Variants in PARVB observed in about 807,000 individuals in gnomAD.
PARVB encodes beta-parvin.
Under a neutral mutation model 47.0 loss-of-function variants are expected in PARVB, and 46 were observed. That is an observed-to-expected ratio of 0.98 (90% CI 0.77 to 1.25). The LOEUF is 1.25. PARVB is among the 50% of genes most tolerant of loss of function. The pLI, the probability that PARVB is intolerant of heterozygous loss-of-function variation, is 0.00. For synonymous variants in PARVB, 196 were observed against 196.3 expected, an observed-to-expected ratio of 1.00 and a Z score of 0.01; for missense variants, 473 against 471.6, an observed-to-expected ratio of 1.00 and a Z score of -0.03.
At chr22:44,086,973 C>T (rs779556165) in intron 1 of PARVB, 14 of 275,294 alleles carry the variant, frequency 5.1e-5, no homozygotes, top group Non-Finnish European at 6.1e-5. Context: ...GAGCTGGTGG[C>T]GTGAGTTGGC....
chr22:44,165,441 A>G (rs2054146202), intron 12 of PARVB, among the ~76,000 whole-genome samples: 1 of 152,220 alleles, frequency 6.6e-6, no homozygotes, highest in Non-Finnish European at 1.5e-5. Context: ...TGCTGCCTGT[A>G]GATACCGGCC....
intron 12 of PARVB, 117 bp from the exon 13 acceptor site, chr22:44,168,485 A>C: frequency 5.0e-5 from 35 of 703,484 alleles, no homozygotes; most frequent in Non-Finnish European, 6.0e-5. Flanking sequence ...CTTTAAGGGG[A>C]AGCGCTGTGT....
At chr22:44,118,083 C>T (rs1030592823) in intron 3 of PARVB, among the ~76,000 whole-genome samples, 4 of 152,290 alleles carry the variant, frequency 2.6e-5, no homozygotes, top group Admixed American at 6.5e-5. Context: ...ATGAAACTCA[C>T]ATCCACAGAG....
intron 1 of PARVB, among the ~76,000 whole-genome samples, chr22:44,071,131 G>C (rs1259652837): frequency 6.6e-6 from 1 of 152,164 alleles, no homozygotes; most frequent in Non-Finnish European, 1.5e-5. Flanking sequence ...TGAGCGCTCT[G>C]TCCCCTCCCC....
intron 1 of PARVB, among the ~76,000 whole-genome samples, chr22:44,025,156 ATAGTGAGATT>A (rs149722349): frequency 0.013 from 1,902 of 152,008 alleles, 36 homozygotes; most frequent in African/African-American, 0.04. Flanking sequence ...ACCATGCCCT[ATAGTGAGATT>A]TCGGATTGGT....
At chr22:44,158,423 C>G (rs1440847007) in intron 11 of PARVB, among the ~76,000 whole-genome samples, 1 of 152,208 alleles carries the variant, frequency 6.6e-6, no homozygotes, top group Non-Finnish European at 1.5e-5. Flanking sequence ...TGCTGCTTCC[C>G]AAGCTTTCCA....
intron 4 of PARVB, among the ~76,000 whole-genome samples, chr22:44,126,145 C>G (rs951481778): frequency 2.6e-5 from 4 of 152,106 alleles, no homozygotes; most frequent in African/African-American, 9.7e-5. Context: ...CCCAGCAGCA[C>G]TGAGCTGATG....
intron 1 of PARVB, among the ~76,000 whole-genome samples, chr22:44,088,018 A>G (rs1033815815): frequency 2.6e-5 from 4 of 151,912 alleles, no homozygotes; most frequent in African/African-American, 9.7e-5. Flanking sequence ...AATCTTTGTG[A>G]TCTCTCTGAG....
At chr22:44,093,489 C>G (rs1233854180) in intron 1 of PARVB, among the ~76,000 whole-genome samples, 1 of 152,234 alleles carries the variant, frequency 6.6e-6, no homozygotes, top group Admixed American at 6.5e-5. Context: ...CACCTGTATG[C>G]ATGACCGGAG....
chr22:44,071,172 C>T (rs1003300875), intron 1 of PARVB, among the ~76,000 whole-genome samples: 1 of 152,148 alleles, frequency 6.6e-6, no homozygotes, highest in African/African-American at 2.4e-5. Flanking sequence ...TTAGCAGAGT[C>T]AAGACTCTGA....
At chr22:44,134,194 C>T (rs761617010) in intron 6 of PARVB, among the ~76,000 whole-genome samples, 14 of 152,290 alleles carry the variant, frequency 9.2e-5, no homozygotes, top group Admixed American at 6.5e-4. Context: ...CAGTCTTGAC[C>T]GGACGGGAAT....
intron 9 of PARVB, 22 bp from the exon 10 acceptor site, chr22:44,151,461 G>A (rs753732247): frequency 9.3e-6 from 15 of 1,605,762 alleles, no homozygotes; most frequent in African/African-American, 1.3e-5. Flanking sequence ...CATGGCTCCT[G>A]TGTCTCTTTT....
chr22:44,164,451 C>G (rs1467421149), intron 12 of PARVB, among the ~76,000 whole-genome samples: 4 of 148,962 alleles, frequency 2.7e-5, no homozygotes, highest in Non-Finnish European at 1.5e-5. Flanking sequence ...TAGGAGGACT[C>G]TCTAACCTGA....
intron 2 of PARVB, among the ~76,000 whole-genome samples, chr22:44,011,679 G>A (rs75098626): frequency 0.032 from 4,890 of 152,128 alleles, 97 homozygotes; most frequent in Middle Eastern, 0.082. Flanking sequence ...ATCAGAGTCT[G>A]TCTGGCCCCT....
chr22:44,158,743 G>A (rs1343262107), intron 11 of PARVB, among the ~76,000 whole-genome samples: 3 of 152,170 alleles, frequency 2.0e-5, no homozygotes, highest in African/African-American at 2.4e-5. Context: ...AGGGCTTCCC[G>A]CAGCCAAGCC....
chr22:44,165,756 C>T (rs886971690), intron 12 of PARVB, among the ~76,000 whole-genome samples: 1 of 152,248 alleles, frequency 6.6e-6, no homozygotes, highest in East Asian at 1.9e-4. Context: ...GCAGGGCCCA[C>T]GGGCAGTGCC....
intron 4 of PARVB, among the ~76,000 whole-genome samples, chr22:44,124,509 C>G (rs1232310497): frequency 6.6e-6 from 1 of 151,630 alleles, no homozygotes; most frequent in Non-Finnish European, 1.5e-5. Context: ...TGGAGGGTCA[C>G]TCCCACAGAT....
rs139897012 is a variant in PARVB, at chr22:44,123,347, G to T, written c.376+4207G>T. ...TGATCGGGGAGGGTCCAGGGGCAGA[G>T]AACTGTGCCTTTGAGGTACATAATT... On this transcript the variant is annotated intron_variant, in intron 4 of 12. Transcript: ENST00000338758. Among the ~76,000 whole-genome samples, 891 of 152,288 alleles carry T rather than the reference G, an allele frequency of 5.9e-3. 11 individuals carry two copies. Among genetic ancestry groups the T allele is most frequent in the African/African-American group, 0.021 (855 of 41,550 alleles).
rs12628750 is a variant in PARVB at position 44,102,966 on chromosome 22, C to T, written c.273+2843C>T. 66 of 152,694 alleles carry T rather than the reference C, an allele frequency of 4.3e-4. 1 individual carries two copies. The East Asian group carries it at 4.6e-3, about 11-fold the overall frequency. The allele number at this position is 152,694 out of a possible 1,614,324, so 9.5% of individuals were successfully genotyped here. ...TGTGTTCACTGAGCCAAGTTGAGTGCGTGTGGGGTCCTGTGCTGGGCCCTG... is the reference window on the plus strand; with the variant it reads ...TGTGTTCACTGAGCCAAGTTGAGTGTGTGTGGGGTCCTGTGCTGGGCCCTG... On this transcript the variant is annotated intron_variant, in intron 3 of 12. Transcript: ENST00000338758.
Sources: gnomAD v4.1 joint callset for allele counts (sites outside exome capture counted in the v4.1 genomes callset) on GRCh38, gnomAD v4.1.1 for gene constraint, MANE v1.5 for transcripts, NCBI Gene and HGNC (gene_info 2026-07-23, HGNC 2026-07-21) for gene names.